The following AGO3 variants were observed in gnomAD, a reference collection of about 807,000 sequenced individuals.
AGO3 encodes protein argonaute-3.
A neutral mutation model predicts 105.5 loss-of-function variants in AGO3; 16 were observed. The observed-to-expected ratio is 0.15, with a 90% confidence interval of 0.10 to 0.23. The LOEUF (loss-of-function observed/expected upper bound fraction) is 0.23. Among genes scored for constraint, AGO3 ranks in the 10% least tolerant of loss-of-function variants. The probability of loss-of-function intolerance (pLI) is 1.00; values close to 1 mark genes in which losing one functional copy is unlikely to be tolerated. For missense variants in AGO3, 534 were observed against 1,088.0 expected (o/e 0.49, Z 7.16); for synonymous variants, 340 against 367.3 (o/e 0.93, Z 0.85).
At chr1:35,955,756 G>A (rs535942857) in intron 2 of AGO3, among the ~76,000 whole-genome samples, 38 of 151,932 alleles carry the variant, frequency 2.5e-4, no homozygotes, top group Non-Finnish European at 4.4e-4. Flanking sequence ...CACCATGCCC[G>A]GCTAATTTTT....
chr1:35,949,901 A>G (rs1209650155), intron 2 of AGO3, among the ~76,000 whole-genome samples: 1 of 150,558 alleles, frequency 6.6e-6, no homozygotes, highest in Non-Finnish European at 1.5e-5. Flanking sequence ...ATGAGCCACC[A>G]TGGCCAGCCT....
Position 35,933,640 on chromosome 1 carries a change from CAAAAAAAAAAAAAAA to C in AGO3, c.19+2213_19+2227del, listed in dbSNP as rs34254758. ...TGGGTGACGGAGCAAGACCCTGTCTCAAAAAAAAAAAAAAAAAAAAAAAAAAAAAAAATCATCATT... is the reference window on the plus strand; with the variant it reads ...TGGGTGACGGAGCAAGACCCTGTCTCAAAAAAAAAAAAAAAAATCATCATT... On this transcript the variant is annotated intron_variant, in intron 1 of 18. Coordinates refer to ENST00000373191, the MANE Select transcript of AGO3 (RefSeq NM_024852.4). Among the ~76,000 whole-genome samples the C allele has an allele frequency of 8.4e-3, 264 of 31,438 alleles. 8 individuals are homozygous for C. Among genetic ancestry groups the C allele is most frequent in the East Asian group, 0.042 (66 of 1,568 alleles). 20.6% of individuals were successfully genotyped at this position (31,438 alleles called of 152,430 possible).
chr1:36,030,504 CAAA>C (rs547766292), intron 12 of AGO3, among the ~76,000 whole-genome samples: 10 of 70,422 alleles, frequency 1.4e-4, no homozygotes, highest in Admixed American at 1.6e-4. Context: ...GACCCTTTCT[CAAA>C]AAAAAAAAAA....
chr1:36,023,089 A>ATC (rs959403357), intron 11 of AGO3, among the ~76,000 whole-genome samples: 5 of 152,230 alleles, frequency 3.3e-5, no homozygotes, highest in Non-Finnish European at 7.3e-5. Flanking sequence ...CTCTAACTGA[A>ATC]TCCAAGTCAG....
intron 5 of AGO3, chr1:36,004,081 A>G (rs1640232733): frequency 3.4e-6 from 1 of 290,838 alleles, no homozygotes; most frequent in African/African-American, 2.2e-5. Context: ...TGTCTCACCC[A>G]GAACACTTCT....
At chr1:35,964,418 G>T (rs1646736316) in intron 2 of AGO3, among the ~76,000 whole-genome samples, 1 of 152,104 alleles carries the variant, frequency 6.6e-6, no homozygotes. Context: ...AAGGATAACG[G>T]CCTCTAGCTC....
In AGO3 at chr1:35,952,401, C is replaced by T. The variant is rs562778358; in HGVS notation, c.191+6538C>T. Among the ~76,000 whole-genome samples, 7 of 152,052 alleles carry T rather than the reference C, an allele frequency of 4.6e-5. No individual in the cohort carries two copies. In the South Asian group the frequency reaches 1.5e-3, roughly 32 times the overall value. On this transcript the variant is annotated intron_variant, in intron 2 of 18. Transcript: ENST00000373191. ...CAAATGATCTGCCTACCTCGGCCTC[C>T]CAAAATGCTAGGATTACAGGGGTGA...
intron 5 of AGO3, among the ~76,000 whole-genome samples, chr1:35,973,991 AG>A (rs984971668): frequency 7.9e-5 from 12 of 152,188 alleles, no homozygotes; most frequent in Admixed American, 6.5e-4. Flanking sequence ...ACTACCACAT[AG>A]GTAGCCATTA....
rs150784135 is a variant in AGO3, at chr1:35,989,163, C to T, written c.659-15178C>T. On this transcript the variant is annotated intron_variant, in intron 5 of 18. Coordinates refer to ENST00000373191, the MANE Select transcript of AGO3 (RefSeq NM_024852.4). ...GTCTCACTGGTTGAGGGATGTTTCC[C>T]TCAGGAAATGACAGATGGGAGCTAG... Among the ~76,000 whole-genome samples the T allele has an allele frequency of 2.4e-3, 361 of 152,220 alleles. 1 individual carries two copies. The highest frequency in any genetic ancestry group is 8.2e-3 in the African/African-American group (342 of 41,542).
chr1:35,965,020 C>T (rs1186208960), intron 2 of AGO3, among the ~76,000 whole-genome samples: 2 of 150,968 alleles, frequency 1.3e-5, no homozygotes, highest in African/African-American at 4.9e-5. Flanking sequence ...TTTTTTATTC[C>T]TAAGATGTTT....
At chr1:35,938,680 A>G (rs1157134007) in intron 1 of AGO3, among the ~76,000 whole-genome samples, 6 of 152,258 alleles carry the variant, frequency 3.9e-5, no homozygotes, top group Middle Eastern at 3.4e-3. Flanking sequence ...ATTCTAGTAC[A>G]TATGTGTTTG....
chr1:36,036,735 C>T (rs370799126), intron 14 of AGO3, among the ~76,000 whole-genome samples: 1 of 151,982 alleles, frequency 6.6e-6, no homozygotes, highest in South Asian at 2.1e-4. Flanking sequence ...TATCTTGTTG[C>T]CCAGGCTAGA....
At chr1:36,022,933 C>CA (rs1276165724) in intron 11 of AGO3, among the ~76,000 whole-genome samples, 490 of 25,382 alleles carry the variant, frequency 0.019, 3 homozygotes, top group Middle Eastern at 0.071. Context: ...AAAAAAAAAA[C>CA]AAAAAAAAAA....
intron 2 of AGO3, among the ~76,000 whole-genome samples, chr1:35,949,494 G>T (rs547467930): frequency 1.3e-5 from 2 of 152,160 alleles, no homozygotes; most frequent in East Asian, 1.9e-4. Flanking sequence ...AATTCTAGGC[G>T]TTAGAAGGAA....
chr1:36,033,568 T>C (rs1314244506), intron 12 of AGO3, among the ~76,000 whole-genome samples: 1 of 148,502 alleles, frequency 6.7e-6, no homozygotes, highest in Non-Finnish European at 1.5e-5. Context: ...TCGCTTTAGC[T>C]CAGGAGGTCG....
rs188633282 is a variant in AGO3, at chr1:35,967,050, A to G, written c.287A>G (p.Asn96Ser). ...GGAAAAAGAAGTCTTTACACCGCCA[A>G]TCCACTTCCTGTGGCAACTACAGGG... Reference protein sequence around the residue: ...YDGKRSLYTANPLPVATTGVD... With the variant: ...YDGKRSLYTASPLPVATTGVD... Residue 96 changes from asparagine to serine, a missense_variant, in exon 3 of 19, where the codon AAT (asparagine) becomes AGT (serine). By Grantham distance (46) the Asn-to-Ser change is conservative (BLOSUM62 1). This residue lies in a region of AGO3 where 161 missense variants were observed against 234.0 expected (regional missense o/e 0.69). Coordinates refer to ENST00000373191, the MANE Select transcript of AGO3 (RefSeq NM_024852.4). 113 of 1,613,562 alleles carry G rather than the reference A, an allele frequency of 7.0e-5. No homozygotes were observed. The highest frequency in any genetic ancestry group is 6.7e-4 in the Admixed American group (40 of 59,910).
chr1:36,039,500 A>AG (rs1432593610), intron 14 of AGO3, among the ~76,000 whole-genome samples: 7 of 147,744 alleles, frequency 4.7e-5, no homozygotes, highest in Non-Finnish European at 8.9e-5. Context: ...CTCAAAAAAA[A>AG]AAAAAAAAAA....
chr1:36,019,248 A>G (rs1225843371), intron 11 of AGO3, among the ~76,000 whole-genome samples: 1 of 152,210 alleles, frequency 6.6e-6, no homozygotes, highest in Non-Finnish European at 1.5e-5. Context: ...GTTTAGGAGC[A>G]TAAGATACAG....
intron 3 of AGO3, among the ~76,000 whole-genome samples, chr1:35,971,029 A>AATAT (rs538490559): frequency 9.1e-5 from 13 of 142,986 alleles, no homozygotes; most frequent in Non-Finnish European, 1.8e-4. Context: ...ACCCAGCCTA[A>AATAT]ATATATATAT....
Sources: allele counts gnomAD v4.1 joint callset (sites outside exome capture counted in the v4.1 genomes callset), GRCh38; gene constraint gnomAD v4.1.1; regional missense constraint gnomAD v4.1.1; transcripts MANE v1.5; gene names NCBI Gene and HGNC (gene_info 2026-07-23, HGNC 2026-07-21).